ABCB5: variants seen among roughly 807,000 people sequenced by gnomAD.
ABCB5 encodes the protein ATP binding cassette subfamily B member 5.
In ABCB5, 155 loss-of-function variants were observed where a neutral mutation model predicts 144.2. The observed-to-expected ratio is 1.08, with a 90% CI of 0.94 to 1.23. The LOEUF (loss-of-function observed/expected upper bound fraction) is 1.23. ABCB5 is among the 50% of genes most tolerant of loss of function. ABCB5 has a pLI of 0.00. For synonymous variants in ABCB5, 610 were observed against 528.6 expected (o/e 1.15, Z -2.11); for missense variants, 1,830 against 1,520.8 (o/e 1.20, Z -3.38).
intron 14 of ABCB5, chr7:20,659,803 C>T (rs112762761): frequency 0.13 from 125,474 of 968,656 alleles, 8,196 homozygotes; most frequent in African/African-American, 0.14. Context: ...CCTGCCTCAG[C>T]CTCCTGAGTA....
At chr7:20,655,048 A>T (rs1314496866) in intron 13 of ABCB5, among the ~76,000 whole-genome samples, 1 of 97,454 alleles carries the variant, frequency 1.0e-5, no homozygotes, top group South Asian at 3.5e-4. Flanking sequence ...TGAAAAGATT[A>T]AAAAAAAAAA....
chr7:20,730,264 C>G (rs1228221031), intron 23 of ABCB5, among the ~76,000 whole-genome samples: 1 of 152,232 alleles, frequency 6.6e-6, no homozygotes, highest in East Asian at 1.9e-4. Context: ...AATCCCAGCA[C>G]TTTGGGAGTC....
rs552680577 is a variant in ABCB5, at chr7:20,675,296, A to G, written c.1708-6209A>G. ...GTATAGTACTTGCCTAAAAATAAAC[A>G]TGGAGGCCAATGGGACAGAATAGAA... On this transcript the variant is annotated intron_variant, in intron 14 of 27. Coordinates refer to ENST00000404938, the MANE Select transcript of ABCB5 (RefSeq NM_001163941.2). 2.6e-5 allele frequency among the ~76,000 whole-genome samples: 4 copies of G among 152,152 alleles called. No homozygotes were observed. The East Asian group carries it at 7.7e-4, about 29-fold the overall frequency.
At chr7:20,616,897 C>A (rs1220081973) in intron 1 of ABCB5, among the ~76,000 whole-genome samples, 8 of 152,206 alleles carry the variant, frequency 5.3e-5, no homozygotes, top group African/African-American at 1.9e-4. Flanking sequence ...TCTCAGTGCA[C>A]TTTTCTCTAC....
chr7:20,747,139 A>T (rs923877135), intron 26 of ABCB5, among the ~76,000 whole-genome samples: 1 of 152,240 alleles, frequency 6.6e-6, no homozygotes, highest in Non-Finnish European at 1.5e-5. Context: ...AATGTCTTTT[A>T]ATGGCAACTT....
At chr7:20,703,979 A>G (rs1279066134) in intron 19 of ABCB5, among the ~76,000 whole-genome samples, 2 of 151,304 alleles carry the variant, frequency 1.3e-5, no homozygotes, top group Non-Finnish European at 2.9e-5. Context: ...TCTTTATTAT[A>G]TGGCCCCTAA....
chr7:20,652,747 A>G (rs1784641258), intron 13 of ABCB5, among the ~76,000 whole-genome samples: 1 of 152,238 alleles, frequency 6.6e-6, no homozygotes. Flanking sequence ...CTGAAGTATT[A>G]GATCCTCAGC....
intron 9 of ABCB5, 190 bp from the exon 10 acceptor site, chr7:20,647,345 T>G (rs1007146388): frequency 2.3e-5 from 31 of 1,340,304 alleles, no homozygotes; most frequent in Admixed American, 7.3e-5. Context: ...GTGTTTCTAT[T>G]GCTTCTCGGC....
chr7:20,704,926 C>T, intron 20 of ABCB5, 119 bp downstream of exon 20: 1 of 638,698 alleles, frequency 1.6e-6, no homozygotes, highest in Non-Finnish European at 2.5e-6. Context: ...ATTAATGAGG[C>T]CAGGTAAGTC....
intron 16 of ABCB5, among the ~76,000 whole-genome samples, chr7:20,697,870 G>A (rs1249069734): frequency 6.6e-6 from 1 of 152,184 alleles, no homozygotes; most frequent in Admixed American, 6.5e-5. Context: ...TTTAAATAAT[G>A]TGCTCGGATA....
intron 12 of ABCB5, among the ~76,000 whole-genome samples, chr7:20,650,567 TCC>T (rs71525693): frequency 4.3e-5 from 6 of 140,740 alleles, no homozygotes; most frequent in African/African-American, 1.8e-4. Flanking sequence ...ACTTTTCTTT[TCC>T]TTTTTTTTTT....
chr7:20,680,328 G>A (rs1164385765), intron 14 of ABCB5, among the ~76,000 whole-genome samples: 4 of 152,282 alleles, frequency 2.6e-5, no homozygotes, highest in Admixed American at 2.6e-4. Flanking sequence ...GGAGGCCGAG[G>A]CGGGTGCATC....
intron 21 of ABCB5, among the ~76,000 whole-genome samples, chr7:20,726,140 T>G (rs923950497): frequency 2.6e-5 from 4 of 152,218 alleles, no homozygotes; most frequent in African/African-American, 9.7e-5. Flanking sequence ...ATGCATTCTC[T>G]TTATAAACTA....
chr7:20,731,355 G>GAAAAAAAA (rs869149519), intron 23 of ABCB5, among the ~76,000 whole-genome samples: 1 of 127,874 alleles, frequency 7.8e-6, no homozygotes, highest in East Asian at 2.3e-4. Flanking sequence ...TCCAACTCAG[G>GAAAAAAAA]AAAAAAAAAA....
intron 16 of ABCB5, among the ~76,000 whole-genome samples, chr7:20,692,123 C>G (rs949928078): frequency 1.3e-5 from 2 of 152,068 alleles, no homozygotes; most frequent in African/African-American, 4.8e-5. Flanking sequence ...TTAAAATCCA[C>G]AGATTCAAGA....
intron 14 of ABCB5, among the ~76,000 whole-genome samples, chr7:20,677,947 CTA>C (rs1295777390): frequency 6.6e-6 from 1 of 152,156 alleles, no homozygotes; most frequent in Non-Finnish European, 1.5e-5. Context: ...TCTTCAAAAA[CTA>C]TTAAGAACTC....
At chr7:20,697,739 T>C (rs1319442700) in intron 16 of ABCB5, among the ~76,000 whole-genome samples, 2 of 152,178 alleles carry the variant, frequency 1.3e-5, no homozygotes, top group Non-Finnish European at 2.9e-5. Context: ...ATTGGGTGTT[T>C]ATTGTTTGCA....
chr7:20,656,084 C>G (rs1355730268), intron 13 of ABCB5, among the ~76,000 whole-genome samples: 2 of 145,530 alleles, frequency 1.4e-5, no homozygotes, highest in Non-Finnish European at 3.0e-5. Context: ...AATGGTTATC[C>G]TTGTGGAAAA....
intron 21 of ABCB5, among the ~76,000 whole-genome samples, chr7:20,725,885 C>T (rs935419474): frequency 1.3e-5 from 2 of 152,120 alleles, no homozygotes; most frequent in Non-Finnish European, 2.9e-5. Flanking sequence ...CAACCAACAT[C>T]AAAATTGGGA....
Sources: gnomAD v4.1 joint callset for allele counts (sites outside exome capture counted in the v4.1 genomes callset) on GRCh38, gnomAD v4.1.1 for gene constraint, MANE v1.5 for transcripts, NCBI Gene and HGNC (gene_info 2026-07-23, HGNC 2026-07-21) for gene names.